FBXO4: variants seen among roughly 807,000 people sequenced by gnomAD.
The protein encoded by FBXO4 is F-box only protein 4.
In FBXO4, 36 loss-of-function variants were observed where a neutral mutation model predicts 43.7. That is an observed-to-expected ratio of 0.82 (90% CI 0.63 to 1.09). FBXO4 has a LOEUF of 1.09. Ranked by LOEUF, FBXO4 falls within the 50% of genes least tolerant of loss-of-function variation. The pLI is 0.00. For missense variants in FBXO4, 435 were observed against 474.1 expected, an observed-to-expected ratio of 0.92 and a Z score of 0.77; for synonymous variants, 180 against 165.6, an observed-to-expected ratio of 1.09 and a Z score of -0.67.
At chr5:41,946,061 T>C (rs1752072977), downstream of FBXO4, among the ~76,000 whole-genome samples, 3 of 152,170 alleles carry the variant, frequency 2.0e-5, no homozygotes, top group South Asian at 6.2e-4. Context: ...TGACCTTAAA[T>C]CCCTCACTAA....
the FBXO4 span, among the ~76,000 whole-genome samples, chr5:42,031,625 AAAAC>A: frequency 4.9e-4 from 75 of 152,192 alleles, 1 homozygote; most frequent in African/African-American, 1.5e-3. Context: ...TAAAATTAAA[AAAAC>A]AAACAAACAA....
the FBXO4 span, among the ~76,000 whole-genome samples, chr5:41,992,194 T>A: frequency 2.0e-5 from 3 of 152,220 alleles, no homozygotes; most frequent in African/African-American, 7.2e-5. Flanking sequence ...GCTCTTTATA[T>A]ACTATTGGAA....
At chr5:41,995,171 C>T in the FBXO4 span, among the ~76,000 whole-genome samples, 6 of 152,112 alleles carry the variant, frequency 3.9e-5, no homozygotes, top group Admixed American at 6.6e-5. Flanking sequence ...CTTCTTTAGC[C>T]GTAAAGTGAG....
At chr5:42,030,851 A>T in the FBXO4 span, among the ~76,000 whole-genome samples, 1 of 152,184 alleles carries the variant, frequency 6.6e-6, no homozygotes, top group South Asian at 2.1e-4. Flanking sequence ...AAAAATACAT[A>T]AAAAAATCCT....
At chr5:41,996,730 C>A in the FBXO4 span, among the ~76,000 whole-genome samples, 1 of 152,148 alleles carries the variant, frequency 6.6e-6, no homozygotes, top group Non-Finnish European at 1.5e-5. Context: ...TTGGTTTTCT[C>A]TTGGTTGTAG....
the FBXO4 span, among the ~76,000 whole-genome samples, chr5:42,003,939 G>A: frequency 2.2e-4 from 33 of 152,038 alleles, no homozygotes; most frequent in Admixed American, 3.3e-4. Context: ...TATTTATTGC[G>A]GCAATATTCA....
intron 1 of FBXO4, among the ~76,000 whole-genome samples, chr5:41,926,107 TGAA>T (rs1458463892): frequency 6.6e-6 from 1 of 152,174 alleles, no homozygotes; most frequent in Non-Finnish European, 1.5e-5. Context: ...GATAGGTAAA[TGAA>T]GAGAACAAAA....
At chr5:41,932,257 A>G (rs1217117434) in intron 3 of FBXO4, among the ~76,000 whole-genome samples, 1 of 152,206 alleles carries the variant, frequency 6.6e-6, no homozygotes, top group Admixed American at 6.5e-5. Context: ...CAGTATGGCG[A>G]CTATATTGGG....
the FBXO4 span, among the ~76,000 whole-genome samples, chr5:41,970,123 A>G: frequency 2.0e-5 from 3 of 152,118 alleles, no homozygotes; most frequent in African/African-American, 4.8e-5. Context: ...TATATAAAAC[A>G]TTATCATTTT....
At chr5:41,982,216 T>G in the FBXO4 span, among the ~76,000 whole-genome samples, 1 of 152,166 alleles carries the variant, frequency 6.6e-6, no homozygotes, top group Non-Finnish European at 1.5e-5. Flanking sequence ...ACATACGTGT[T>G]CATGTGTCTT....
chr5:41,936,911 T>G (rs1751865187), intron 5 of FBXO4, among the ~76,000 whole-genome samples: 1 of 152,084 alleles, frequency 6.6e-6, no homozygotes, highest in African/African-American at 2.4e-5. Context: ...TTTGTTTTTT[T>G]TTTACAATCA....
At chr5:41,941,111 T>C in intron 6 of FBXO4, 81 bp from the exon 7 acceptor site, 1 of 1,011,098 alleles carries the variant, frequency 9.9e-7, no homozygotes, top group African/African-American at 1.6e-5. Flanking sequence ...ATCTTTTTAG[T>C]GTCTAGAAAA....
At chr5:41,967,539 C>T in the FBXO4 span, 1 of 973,522 alleles carries the variant, frequency 1.0e-6, no homozygotes, top group Non-Finnish European at 1.6e-6. Flanking sequence ...CGTTCATGCA[C>T]CCCATCTGTG....
At chr5:41,968,087 A>G in the FBXO4 span, 1 of 350,382 alleles carries the variant, frequency 2.9e-6, no homozygotes, top group South Asian at 2.4e-5. Flanking sequence ...TTTAGTTGGC[A>G]ATGGGTTCTT....
At chr5:42,034,661 A>G in the FBXO4 span, among the ~76,000 whole-genome samples, 3 of 152,284 alleles carry the variant, frequency 2.0e-5, no homozygotes, top group African/African-American at 7.2e-5. Context: ...TTTGTCGAAA[A>G]TCAGATGGTT....
the FBXO4 span, among the ~76,000 whole-genome samples, chr5:41,978,767 C>A: frequency 6.6e-6 from 1 of 152,044 alleles, no homozygotes; most frequent in Non-Finnish European, 1.5e-5. Flanking sequence ...AAGCTCAAGT[C>A]TTTTACATTT....
chr5:42,040,145 A>C, the FBXO4 span, among the ~76,000 whole-genome samples: 1 of 152,012 alleles, frequency 6.6e-6, no homozygotes, highest in East Asian at 1.9e-4. Flanking sequence ...GAAAACTAAT[A>C]CACCTCCCTT....
the FBXO4 span, chr5:41,967,365 A>G: frequency 4.1e-6 from 2 of 491,634 alleles, no homozygotes; most frequent in East Asian, 4.7e-5. Context: ...AACTGTATCT[A>G]TTCCCACATC....
the FBXO4 span, among the ~76,000 whole-genome samples, chr5:42,013,693 T>C: frequency 6.6e-6 from 1 of 152,108 alleles, no homozygotes; most frequent in Non-Finnish European, 1.5e-5. Flanking sequence ...CAGAAATAGG[T>C]TTTATGAGCT....
Sources: gnomAD v4.1 joint callset for allele counts (sites outside exome capture counted in the v4.1 genomes callset) on GRCh38, gnomAD v4.1.1 for gene constraint, MANE v1.5 for transcripts, NCBI Gene and HGNC (gene_info 2026-07-23, HGNC 2026-07-21) for gene names.